The following DIPK1C variants were observed in gnomAD, a reference collection of about 807,000 sequenced individuals.
DIPK1C encodes the protein divergent protein kinase domain 1C.
Under a neutral mutation model 28.0 loss-of-function variants are expected in DIPK1C, and 33 were observed. The observed-to-expected ratio is 1.18, with a 90% confidence interval of 0.89 to 1.58. The LOEUF is 1.58. DIPK1C is among the 40% of genes most tolerant of loss of function. The probability of loss-of-function intolerance (pLI) is 0.00; values close to 1 mark genes in which losing one functional copy is unlikely to be tolerated. For synonymous variants in DIPK1C, 255 were observed against 248.8 expected (o/e 1.02, Z -0.23); for missense variants, 569 against 568.5 (o/e 1.00, Z -0.01).
chr18:74,442,576 G>T (rs527266921), intron 2 of DIPK1C, among the ~76,000 whole-genome samples: 1 of 152,132 alleles, frequency 6.6e-6, no homozygotes, highest in Admixed American at 6.5e-5. Flanking sequence ...TGATCTGCCC[G>T]CCTCGGCCTC....
chr18:74,450,874 T>C (rs751197497), intron 1 of DIPK1C, among the ~76,000 whole-genome samples: 38 of 152,218 alleles, frequency 2.5e-4, no homozygotes, highest in Non-Finnish European at 4.7e-4. Flanking sequence ...TTGGCACAGA[T>C]TGGGTCTGCC....
chr18:74,438,976 G>A (rs1381736260), intron 3 of DIPK1C, among the ~76,000 whole-genome samples: 1 of 152,238 alleles, frequency 6.6e-6, no homozygotes, highest in Non-Finnish European at 1.5e-5. Context: ...CCCAGCAGCA[G>A]GGAATAAGGC....
chr18:74,436,317 G>T lies in DIPK1C; in HGVS notation c.*184C>A. 2 of 624,032 alleles carry T rather than the reference G, an allele frequency of 3.2e-6. No homozygotes were observed. The highest frequency in any genetic ancestry group is 1.8e-5 in the African/African-American group (1 of 54,288). 38.7% of individuals were successfully genotyped at this position (624,032 alleles called of 1,614,324 possible). On this transcript the variant is annotated 3_prime_UTR_variant, in exon 4 of 4. Coordinates refer to ENST00000343998, the MANE Select transcript of DIPK1C (RefSeq NM_001044369.3). ...ATTTTACACAAGGCGACAGGTCAGA[G>T]GCCAGGGTGGGACGAGAGCGAGGGA...
At chr18:74,443,216 T>G (rs1986183775) in intron 2 of DIPK1C, among the ~76,000 whole-genome samples, 1 of 152,140 alleles carries the variant, frequency 6.6e-6, no homozygotes, top group South Asian at 2.1e-4. Flanking sequence ...AACTTCTAAA[T>G]TATGCAGCTC....
At chr18:74,446,578 C>T in intron 2 of DIPK1C, 28 bp downstream of exon 2, 1 of 1,429,818 alleles carries the variant, frequency 7.0e-7, no homozygotes, top group Non-Finnish European at 9.2e-7. Context: ...GTTCTCTGCA[C>T]ATAAACACAC....
chr18:74,452,161 A>T (rs944044332), intron 1 of DIPK1C, among the ~76,000 whole-genome samples: 4 of 152,202 alleles, frequency 2.6e-5, no homozygotes, highest in Non-Finnish European at 5.9e-5. Context: ...CCCTGTCATA[A>T]AGTTGAAAAA....
intron 1 of DIPK1C, among the ~76,000 whole-genome samples, chr18:74,456,381 G>C (rs575936080): frequency 1.1e-4 from 16 of 152,356 alleles, no homozygotes; most frequent in Admixed American, 9.8e-4. Context: ...GCGAGCTTTC[G>C]GGCCCTCCCA....
In DIPK1C at chr18:74,446,652, AG is replaced by A; in HGVS notation, c.829del (p.Leu277SerfsTer31). On this transcript the variant is annotated frameshift_variant, in exon 2 of 4. Coordinates refer to ENST00000343998, the MANE Select transcript of DIPK1C (RefSeq NM_001044369.3). LOFTEE classifies it high-confidence loss of function. ...AAAGTTTTCCGGCTTGATGTCGCAG[AG>A]GTGGAGGCGGTGGGAAAAGTCACTG... ...FDSDFSHRLH[L>X]CDIKPENFAI... 1.3e-6 allele frequency: 2 copies of A among 1,484,668 alleles called. No homozygotes were observed. The highest frequency in any genetic ancestry group is 9.0e-7 in the Non-Finnish European group (1 of 1,116,150). 92.0% of individuals were successfully genotyped at this position (1,484,668 alleles called of 1,614,324 possible).
chr18:74,461,940 T>C (rs943742120), upstream of DIPK1C, among the ~76,000 whole-genome samples: 11 of 151,712 alleles, frequency 7.3e-5, no homozygotes, highest in African/African-American at 2.7e-4. Flanking sequence ...AAAAACTTTT[T>C]TGGTAGAGAT....
At chr18:74,461,143 C>T (rs948591202), upstream of DIPK1C, among the ~76,000 whole-genome samples, 5 of 152,148 alleles carry the variant, frequency 3.3e-5, no homozygotes, top group Non-Finnish European at 5.9e-5. Context: ...GCACAGGATC[C>T]TGTCATTTTT....
Position 74,446,886 on chromosome 18 carries a change from A to C in DIPK1C, c.596T>G (p.Phe199Cys), listed in dbSNP as rs956033802. The C allele has an allele frequency of 6.6e-7, 1 of 1,521,390 alleles. No individual in the cohort carries two copies. The highest frequency in any genetic ancestry group is 8.8e-7 in the Non-Finnish European group (1 of 1,130,028). 94.2% of individuals were successfully genotyped at this position (1,521,390 alleles called of 1,614,324 possible). A position where few individuals can be genotyped will look rare whatever the true frequency, so the allele number is the denominator to read the frequency against. ...TGGGCTCAGGTCCTGCAGCAGGCTG[A>C]AGTAGACGTACTCCTCCTGCTGCAG... The part of the protein sequence containing the change: ...ALLQQEEYVY[F>C]SLLQDLSPHV... Residue 199 changes from phenylalanine (F) to cysteine (C), a missense_variant, in exon 2 of 4, where the codon TTC becomes TGC. Transcript: ENST00000343998.
chr18:74,447,105 G>C lies in DIPK1C; in HGVS notation c.377C>G (p.Pro126Arg). ...CTCCTCTTCCAACAGGCTGAGGGGC[G>C]GGAAGCTGGAGAAGGCCTCCTCCTT... ...KSKEEAFSSF[P>R]PLSLLEEEAG... Residue 126 changes from proline (P) to arginine (R), a missense_variant, in exon 2 of 4, where the codon CCG becomes CGG. Pro to Arg is a moderately radical substitution (Grantham distance 103, BLOSUM62 -2). Transcript: ENST00000343998. This position sits in a 1 kb window ranked among gnomAD's most constrained non-coding sequence, Gnocchi z 4.1. 2 of 1,550,526 alleles carry C rather than the reference G, an allele frequency of 1.3e-6. No individual in the cohort carries two copies. The highest frequency in any genetic ancestry group is 1.7e-6 in the Non-Finnish European group (2 of 1,146,982).
chr18:74,439,721 G>A (rs926356917), intron 3 of DIPK1C, among the ~76,000 whole-genome samples: 4 of 152,176 alleles, frequency 2.6e-5, no homozygotes, highest in African/African-American at 9.7e-5. Flanking sequence ...TTGGGAGGCT[G>A]AGGTGAGAGG....
At position 74,435,623 on chromosome 18, in the gene DIPK1C, A is replaced by C. The variant is rs1304293702; in HGVS notation, c.*878T>G. 3 of 152,188 alleles carry C rather than the reference A, an allele frequency of 2.0e-5. No individual in the cohort carries two copies. The highest frequency in any genetic ancestry group is 4.4e-5 in the Non-Finnish European group (3 of 68,024). The allele number at this position is 152,188 out of a possible 1,614,324, so 9.4% of individuals were successfully genotyped here. A position where few individuals can be genotyped will look rare whatever the true frequency, so the allele number is the denominator to read the frequency against. On this transcript the variant is annotated 3_prime_UTR_variant, in exon 4 of 4. Transcript: ENST00000343998. ...CCAGGGGAAGGTGTATTGCAATACG[A>C]GGCGCCCTAAAACCCATCCATAACC...
intron 1 of DIPK1C, among the ~76,000 whole-genome samples, chr18:74,456,775 G>T (rs923222452): frequency 2.0e-5 from 3 of 152,216 alleles, no homozygotes; most frequent in Non-Finnish European, 4.4e-5. Context: ...TCCGGAGCTC[G>T]GGCTCAGGGG....
chr18:74,438,182 A>G (rs1435785051), intron 3 of DIPK1C, among the ~76,000 whole-genome samples: 1 of 152,178 alleles, frequency 6.6e-6, no homozygotes, highest in Non-Finnish European at 1.5e-5. Flanking sequence ...ATGAGCCACC[A>G]CGCCCAGCCA....
At chr18:74,458,213 C>T (rs1986561770), upstream of DIPK1C, among the ~76,000 whole-genome samples, 1 of 152,206 alleles carries the variant, frequency 6.6e-6, no homozygotes, top group East Asian at 2.0e-4. Flanking sequence ...GGAGGCGGCG[C>T]CACCCCAGGG....
rs887556442 is a variant in DIPK1C, at chr18:74,446,955, C to T, written c.527G>A (p.Arg176Gln). 8.0e-6 allele frequency: 12 copies of T among 1,506,508 alleles called. No homozygotes were observed. The highest frequency in any genetic ancestry group is 1.7e-4 in the Middle Eastern group (1 of 5,808). 93.3% of individuals were successfully genotyped at this position (1,506,508 alleles called of 1,614,324 possible). A position where few individuals can be genotyped will look rare whatever the true frequency, so the allele number is the denominator to read the frequency against. The change falls in exon 2 of 4, where the codon CGG (arginine) becomes CAG (glutamine). Residue 176 changes from arginine (R) to glutamine (Q), a missense_variant. Physicochemically the swap from Arg to Gln is conservative, Grantham distance 43 (BLOSUM62 1). Transcript: ENST00000343998. ...SSLGPWWPGR[R>Q]GPRWRGQLAS... ...CAGCTGTCCCCGCCAGCGTGGGCCC[C>T]GCCTGCCCGGCCACCACGGCCCCAG... is the stretch of plus-strand genomic sequence containing the variant.
At position 74,436,924 on chromosome 18, in the gene DIPK1C, C is replaced by T. The variant is rs1208134770; in HGVS notation, c.1042-205G>A. Among the ~76,000 whole-genome samples, 4 of 149,984 alleles carry T rather than the reference C, an allele frequency of 2.7e-5. 1 individual carries two copies. Among genetic ancestry groups the T allele is most frequent in the Non-Finnish European group, 5.9e-5 (4 of 67,700 alleles). ...ACCCTTCAGCACCATGAACAAAAGACGCCTCCGAGAGGAGAAGCCAACATC... is the reference window on the plus strand; with the variant it reads ...ACCCTTCAGCACCATGAACAAAAGATGCCTCCGAGAGGAGAAGCCAACATC... On this transcript the variant is annotated intron_variant, in intron 3 of 3. Transcript: ENST00000343998.
Sources: allele counts gnomAD v4.1 joint callset (sites outside exome capture counted in the v4.1 genomes callset), GRCh38; gene constraint gnomAD v4.1.1; non-coding constraint Gnocchi (gnomAD v3.1); transcripts MANE v1.5; gene names NCBI Gene and HGNC (gene_info 2026-07-23, HGNC 2026-07-21).